ERC2: variants seen among roughly 807,000 people sequenced by gnomAD.
ERC2 encodes the protein ERC protein 2.
In ERC2, 42 loss-of-function variants were observed where a neutral mutation model predicts 114.8. The ratio of observed to expected loss-of-function variants is 0.37; its 90% CI spans 0.29 to 0.47. The LOEUF (loss-of-function observed/expected upper bound fraction) is 0.47, where lower values mean the gene tolerates loss of function less well. ERC2 is among the 20% of genes least tolerant of loss of function. The pLI is 0.99. For missense variants in ERC2, 939 were observed against 1,150.7 expected (o/e 0.82, Z 2.66); for synonymous variants, 454 against 425.5 (o/e 1.07, Z -0.82).
At chr3:56,385,983 C>T (rs917153774) in intron 2 of ERC2, among the ~76,000 whole-genome samples, 2 of 152,230 alleles carry the variant, frequency 1.3e-5, no homozygotes, top group African/African-American at 2.4e-5. Context: ...AAAAGGAAAG[C>T]ATTATGAACT....
chr3:56,318,970 A>AAG (rs1210338111), intron 2 of ERC2, among the ~76,000 whole-genome samples: 2 of 151,806 alleles, frequency 1.3e-5, no homozygotes, highest in African/African-American at 4.8e-5. Context: ...TCAAAAAAAA[A>AAG]AAAAAAAAAA....
At chr3:55,737,064 C>G (rs1424124475) in intron 14 of ERC2, among the ~76,000 whole-genome samples, 1 of 152,168 alleles carries the variant, frequency 6.6e-6, no homozygotes, top group East Asian at 1.9e-4. Context: ...AGGACTAAAA[C>G]CTGGTCATGA....
chr3:55,610,319 A>AT (rs1256953659), intron 17 of ERC2, among the ~76,000 whole-genome samples: 1 of 152,082 alleles, frequency 6.6e-6, no homozygotes, highest in African/African-American at 2.4e-5. Context: ...TTCCTGGTTA[A>AT]AAACCACTGC....
At chr3:56,035,189 G>C (rs1306315727) in intron 7 of ERC2, among the ~76,000 whole-genome samples, 2 of 152,006 alleles carry the variant, frequency 1.3e-5, no homozygotes, top group East Asian at 1.9e-4. Flanking sequence ...TTATTACTAT[G>C]AGCCATTTTA....
chr3:55,832,481 G>T (rs1476043332), intron 14 of ERC2, among the ~76,000 whole-genome samples: 2 of 152,244 alleles, frequency 1.3e-5, no homozygotes, highest in Non-Finnish European at 2.9e-5. Context: ...CACTGCTGCG[G>T]ATACCCAGGC....
rs1015394774 is a variant in ERC2 at position 55,828,211 on chromosome 3, C to T, written c.2564+60178G>A. On this transcript the variant is annotated intron_variant, in intron 14 of 17. Coordinates refer to ENST00000288221, the MANE Select transcript of ERC2 (RefSeq NM_015576.3). ...CCATTGCTGGCCATGGTGGAGTGGC[C>T]CACCACAGACCAGCTCTCTTACTCA... Among the ~76,000 whole-genome samples, 6 of 152,314 alleles carry T rather than the reference C, an allele frequency of 3.9e-5. No individual in the cohort carries two copies. The South Asian group carries it at 1.2e-3, about 32-fold the overall frequency.
intron 13 of ERC2, among the ~76,000 whole-genome samples, chr3:55,931,304 T>C (rs1303974178): frequency 1.3e-5 from 2 of 152,224 alleles, no homozygotes; most frequent in African/African-American, 2.4e-5. Flanking sequence ...CCTGCACATG[T>C]ATGTTTATTC....
At chr3:55,981,849 C>A (rs1172323479) in intron 12 of ERC2, among the ~76,000 whole-genome samples, 1 of 152,068 alleles carries the variant, frequency 6.6e-6, no homozygotes, top group East Asian at 1.9e-4. Context: ...TCCATGGGGA[C>A]AAAGAAAAGA....
At chr3:56,238,839 T>A (rs1248670818) in intron 3 of ERC2, among the ~76,000 whole-genome samples, 1 of 152,164 alleles carries the variant, frequency 6.6e-6, no homozygotes, top group Non-Finnish European at 1.5e-5. Context: ...TAAAGTGACA[T>A]AAAAATTGCA....
intron 12 of ERC2, among the ~76,000 whole-genome samples, chr3:55,979,559 G>C (rs1473539327): frequency 2.0e-5 from 3 of 152,124 alleles, no homozygotes; most frequent in African/African-American, 7.2e-5. Flanking sequence ...ACTGAAAAAA[G>C]TTACTTAAAA....
At chr3:55,863,159 A>G (rs2062101990) in intron 14 of ERC2, among the ~76,000 whole-genome samples, 1 of 151,830 alleles carries the variant, frequency 6.6e-6, no homozygotes, top group African/African-American at 2.4e-5. Context: ...GGAGACTGAC[A>G]TTTTTCTCCT....
chr3:56,369,823 C>T (rs1280017102), intron 2 of ERC2, among the ~76,000 whole-genome samples: 1 of 152,266 alleles, frequency 6.6e-6, no homozygotes, highest in East Asian at 1.9e-4. Flanking sequence ...ACTACAGGTG[C>T]ACGCCATCAC....
chr3:55,786,560 C>G (rs2069510661), intron 14 of ERC2, among the ~76,000 whole-genome samples: 1 of 152,198 alleles, frequency 6.6e-6, no homozygotes, highest in Non-Finnish European at 1.5e-5. Context: ...AAGTACTTTA[C>G]ATAAATGGTT....
At chr3:55,627,297 A>G (rs1367739324) in intron 17 of ERC2, among the ~76,000 whole-genome samples, 2 of 152,054 alleles carry the variant, frequency 1.3e-5, no homozygotes, top group Non-Finnish European at 2.9e-5. Context: ...GTGAAACCCC[A>G]TCTCTACAAA....
intron 13 of ERC2, among the ~76,000 whole-genome samples, chr3:55,906,002 T>C (rs2149353845): frequency 6.6e-6 from 1 of 152,266 alleles, no homozygotes; most frequent in South Asian, 2.1e-4. Context: ...AGAATTTCCT[T>C]CTATGTACCT....
intron 4 of ERC2, among the ~76,000 whole-genome samples, chr3:56,170,913 T>C (rs2150017358): frequency 6.6e-6 from 1 of 151,950 alleles, no homozygotes; most frequent in East Asian, 1.9e-4. Flanking sequence ...TACAGGCGCG[T>C]GCCACCACGC....
At chr3:55,964,524 T>G (rs970955180) in intron 12 of ERC2, among the ~76,000 whole-genome samples, 6 of 152,032 alleles carry the variant, frequency 3.9e-5, no homozygotes, top group Non-Finnish European at 8.8e-5. Context: ...CTCTTTAGGA[T>G]CTGGTCCATC....
chr3:56,346,997 C>A (rs78211236), intron 2 of ERC2, among the ~76,000 whole-genome samples: 1 of 152,126 alleles, frequency 6.6e-6, no homozygotes, highest in Admixed American at 6.5e-5. Context: ...CACTGTTGCA[C>A]TGGGGATTAA....
intron 2 of ERC2, among the ~76,000 whole-genome samples, chr3:56,389,081 C>T (rs148087902): frequency 2.0e-5 from 3 of 151,810 alleles, no homozygotes; most frequent in Non-Finnish European, 4.4e-5. Flanking sequence ...AAATGATGAA[C>T]AAAGAATAGC....
Sources: gnomAD v4.1 joint callset for allele counts (sites outside exome capture counted in the v4.1 genomes callset) on GRCh38, gnomAD v4.1.1 for gene constraint, MANE v1.5 for transcripts, NCBI Gene and HGNC (gene_info 2026-07-23, HGNC 2026-07-21) for gene names.